PCDHGB2: variants seen among roughly 807,000 people sequenced by gnomAD.
PCDHGB2 encodes protocadherin gamma subfamily B, 2.
Under a neutral mutation model 59.3 loss-of-function variants are expected in PCDHGB2, and 55 were observed. The ratio of observed to expected loss-of-function variants is 0.93; its 90% CI spans 0.75 to 1.16. The LOEUF is 1.16. PCDHGB2 is among the 50% of genes most tolerant of loss of function. PCDHGB2 has a pLI of 0.00. For missense variants in PCDHGB2, 1,228 were observed against 1,198.5 expected, an observed-to-expected ratio of 1.02 and a Z score of -0.36; for synonymous variants, 516 against 512.0, an observed-to-expected ratio of 1.01 and a Z score of -0.11.
chr5:141,474,961 A>G (rs1395755491), intron 1 of PCDHGB2, among the ~76,000 whole-genome samples: 1 of 152,254 alleles, frequency 6.6e-6, no homozygotes, highest in South Asian at 2.1e-4. Flanking sequence ...TCACTATCCT[A>G]ATCATTATAA....
chr5:141,489,962 C>A lies in PCDHGB2; in HGVS notation c.2422-4845C>A. The A allele has an allele frequency of 6.2e-7, 1 of 1,614,184 alleles. No individual in the cohort carries two copies. The highest frequency in any genetic ancestry group is 8.5e-7 in the Non-Finnish European group (1 of 1,180,008). ...CTGGACATCAATGATAATGCTCCAA[C>A]CTTCCAATCCTCAGTTCTACGTGTG... is the stretch of plus-strand genomic sequence containing the variant. On this transcript the variant is annotated intron_variant, in intron 1 of 3. Transcript: ENST00000522605. This position sits in a 1 kb window ranked among gnomAD's most constrained non-coding sequence, Gnocchi z 4.5.
chr5:141,375,336 A>G, intron 1 of PCDHGB2: 1 of 1,613,828 alleles, frequency 6.2e-7, no homozygotes, highest in African/African-American at 1.3e-5. Context: ...GTATTCTTGT[A>G]CAACATCACT....
At chr5:141,439,183 ACT>A (rs1255299140) in intron 1 of PCDHGB2, among the ~76,000 whole-genome samples, 3 of 145,262 alleles carry the variant, frequency 2.1e-5, no homozygotes, top group Non-Finnish European at 3.0e-5. Context: ...ACATAGTGAG[ACT>A]CTGACAAAAA....
rs771681529 is a variant in PCDHGB2 at position 141,486,617 on chromosome 5, C to T, written c.2422-8190C>T. The T allele has an allele frequency of 1.2e-6, 2 of 1,613,602 alleles. No individual in the cohort carries two copies. Among genetic ancestry groups the T allele is most frequent in the Non-Finnish European group, 1.7e-6 (2 of 1,180,036 alleles). On this transcript the variant is annotated intron_variant, in intron 1 of 3. Coordinates refer to ENST00000522605, the MANE Select transcript of PCDHGB2 (RefSeq NM_018923.3). The surrounding 1 kb of genome is among the most constrained non-coding windows in gnomAD (Gnocchi z 5.0). ...GCTTTGCTCCCTTGCAGCCTCTGAC[C>T]CAGACTCTGGCTTGAATGCGCTTAT...
chr5:141,366,115 C>T (rs1764340105), intron 1 of PCDHGB2: 1 of 1,614,120 alleles, frequency 6.2e-7, no homozygotes, highest in Non-Finnish European at 8.5e-7. Context: ...TAGCGGTGGA[C>T]AAAGATTCAG....
At chr5:141,364,373 CTGCCCT>C in intron 1 of PCDHGB2, 1 of 1,572,690 alleles carries the variant, frequency 6.4e-7, no homozygotes, top group South Asian at 1.2e-5. Flanking sequence ...AGAGCTGCTG[CTGCCCT>C]TCATGCTCCT....
At position 141,421,041 on chromosome 5, in the gene PCDHGB2, C is replaced by T. The variant is rs963777669; in HGVS notation, c.2421+58485C>T. The T allele has an allele frequency of 1.8e-5, 10 of 546,514 alleles. No individual in the cohort carries two copies. The African/African-American group carries it at 1.9e-4, about 11-fold the overall frequency. 33.9% of individuals were successfully genotyped at this position (546,514 alleles called of 1,614,324 possible). A position where few individuals can be genotyped will look rare whatever the true frequency, so the allele number is the denominator to read the frequency against. ...CTGCGCGCCATTGAGTCCCTCCCTC[C>T]CCCGCCTCTACCACACAAAGCGGAA... On this transcript the variant is annotated intron_variant, in intron 1 of 3. Coordinates refer to ENST00000522605, the MANE Select transcript of PCDHGB2 (RefSeq NM_018923.3).
intron 1 of PCDHGB2, chr5:141,373,960 G>A: frequency 1.1e-6 from 1 of 939,502 alleles, no homozygotes; most frequent in African/African-American, 1.7e-5. Flanking sequence ...ATTCTGACCT[G>A]AAACGCTTCG....
chr5:141,390,587 A>T (rs1043489470), intron 1 of PCDHGB2: 1 of 340,604 alleles, frequency 2.9e-6, no homozygotes, highest in Non-Finnish European at 5.3e-6. Flanking sequence ...AAAGTGAATG[A>T]GATTTTTCCT....
intron 1 of PCDHGB2, among the ~76,000 whole-genome samples, chr5:141,479,979 T>C (rs67253891): frequency 0.061 from 9,352 of 152,266 alleles, 334 homozygotes; most frequent in South Asian, 0.12. Context: ...GTTCTACCAT[T>C]TACCAACTAG....
intron 1 of PCDHGB2, chr5:141,417,666 G>C (rs1487166683): frequency 3.1e-5 from 28 of 917,486 alleles, no homozygotes; most frequent in Non-Finnish European, 4.2e-5. Context: ...GGGATTCCCT[G>C]CGCAGCCAAC....
intron 1 of PCDHGB2, chr5:141,376,159 C>A: frequency 1.9e-6 from 3 of 1,614,084 alleles, no homozygotes; most frequent in Non-Finnish European, 2.5e-6. Context: ...TCACTCTGTA[C>A]CTGGTGGTGG....
Position 141,364,749 on chromosome 5 carries a change from T to A in PCDHGB2, c.2421+2193T>A, listed in dbSNP as rs1588602208. Reference sequence around the variant, plus strand: ...CGTTTCCGGGATGAAGAGTTAAAAGTAAAAGTTAATGAAAATGCGGCTGCA... The same window carrying A: ...CGTTTCCGGGATGAAGAGTTAAAAGAAAAAGTTAATGAAAATGCGGCTGCA... On this transcript the variant is annotated intron_variant, in intron 1 of 3. Coordinates refer to ENST00000522605, the MANE Select transcript of PCDHGB2 (RefSeq NM_018923.3). 3.1e-5 allele frequency: 50 copies of A among 1,613,798 alleles called. No individual in the cohort carries two copies. In the East Asian group the frequency reaches 1.1e-3, roughly 35 times the overall value.
intron 1 of PCDHGB2, chr5:141,414,152 A>G (rs1251267001): frequency 1.9e-6 from 3 of 1,600,994 alleles, no homozygotes; most frequent in Non-Finnish European, 2.6e-6. Context: ...ATACAAGCAG[A>G]AGATGGAGGA....
chr5:141,399,202 G>T, intron 1 of PCDHGB2: 1 of 1,613,914 alleles, frequency 6.2e-7, no homozygotes, highest in Non-Finnish European at 8.5e-7. Context: ...CGCGGTGCCT[G>T]GAACACTAAT....
chr5:141,403,181 C>G (rs1182793881), intron 1 of PCDHGB2: 2 of 1,614,006 alleles, frequency 1.2e-6, no homozygotes, highest in Non-Finnish European at 1.7e-6. Context: ...GCTTTTCTCT[C>G]TGAACCCGCG....
chr5:141,423,874 A>G (rs1264795133), intron 1 of PCDHGB2: 2 of 1,283,268 alleles, frequency 1.6e-6, no homozygotes, highest in East Asian at 3.1e-5. Context: ...GTCATTTTTC[A>G]ATCTTGGCAT....
Position 141,374,705 on chromosome 5 carries a change from T to A in PCDHGB2, c.2421+12149T>A, listed in dbSNP as rs188037010. On this transcript the variant is annotated intron_variant, in intron 1 of 3. Coordinates refer to ENST00000522605, the MANE Select transcript of PCDHGB2 (RefSeq NM_018923.3). ...ACTGGACCGGGAAGGAGAAGCCGTTTACCGCCTGGTCCTTACTGCCATGGA... is the reference window on the plus strand; with the variant it reads ...ACTGGACCGGGAAGGAGAAGCCGTTAACCGCCTGGTCCTTACTGCCATGGA... 8 of 1,609,374 alleles carry A rather than the reference T, an allele frequency of 5.0e-6. No homozygotes were observed. In the African/African-American group the frequency reaches 8.0e-5, roughly 16 times the overall value.
In PCDHGB2 at chr5:141,477,825, C is replaced by A; in HGVS notation, c.2422-16982C>A. The A allele has an allele frequency of 2.5e-6, 4 of 1,614,174 alleles. No individual in the cohort carries two copies. The South Asian group carries it at 4.4e-5, about 18-fold the overall frequency. On this transcript the variant is annotated intron_variant, in intron 1 of 3. Transcript: ENST00000522605. This position sits in a 1 kb window ranked among gnomAD's most constrained non-coding sequence, Gnocchi z 4.9. ...GACAATGCCCCCCAGGTCCTATATC[C>A]TCGGCCAGGTGGGAGCTCGGTGGAG...
Sources: gnomAD v4.1 joint callset for allele counts (sites outside exome capture counted in the v4.1 genomes callset) on GRCh38, gnomAD v4.1.1 for gene constraint, Gnocchi (gnomAD v3.1) non-coding constraint, MANE v1.5 for transcripts, NCBI Gene and HGNC (gene_info 2026-07-23, HGNC 2026-07-21) for gene names.